GPC5: variants seen among roughly 807,000 people sequenced by gnomAD.
GPC5 encodes the protein glypican 5, also known as glypican-5.
Under a neutral mutation model 53.9 loss-of-function variants are expected in GPC5, and 47 were observed. The observed-to-expected ratio is 0.87, with a 90% CI of 0.69 to 1.11. The LOEUF (loss-of-function observed/expected upper bound fraction) is 1.11. Among genes scored for constraint, GPC5 ranks in the 50% most tolerant of loss-of-function variants. GPC5 has a pLI of 0.00. For synonymous variants in GPC5, 286 were observed against 263.3 expected, an observed-to-expected ratio of 1.09 and a Z score of -0.84; for missense variants, 748 against 713.1, an observed-to-expected ratio of 1.05 and a Z score of -0.56.
chr13:91,612,920 C>A (rs2139320612), intron 2 of GPC5, among the ~76,000 whole-genome samples: 1 of 152,222 alleles, frequency 6.6e-6, no homozygotes, highest in East Asian at 1.9e-4. Context: ...GGGGAACAGA[C>A]AATTACAAGG....
At chr13:92,669,597 A>ACAC (rs1886681269) in intron 7 of GPC5, among the ~76,000 whole-genome samples, 1 of 152,094 alleles carries the variant, frequency 6.6e-6, no homozygotes, top group Non-Finnish European at 1.5e-5. Context: ...CACTTTCCTC[A>ACAC]CACCCTAAAC....
At chr13:92,796,538 A>G (rs942376661) in intron 7 of GPC5, among the ~76,000 whole-genome samples, 4 of 151,898 alleles carry the variant, frequency 2.6e-5, no homozygotes, top group African/African-American at 9.7e-5. Context: ...AATCCTTGGC[A>G]TTTCTCAATG....
chr13:92,340,163 T>C (rs967665302), intron 7 of GPC5, among the ~76,000 whole-genome samples: 15 of 152,118 alleles, frequency 9.9e-5, no homozygotes, highest in African/African-American at 3.6e-4. Flanking sequence ...AATCAGGAAA[T>C]AGTTACATAT....
rs550690591 is a variant in GPC5, at chr13:92,302,191, G to T, written c.1561+157202G>T. ...TCTTGCAAGTGCAATGTTGATTCTGGTTTTTTGCACTTTAATTAATATTAT... is the reference window on the plus strand; with the variant it reads ...TCTTGCAAGTGCAATGTTGATTCTGTTTTTTTGCACTTTAATTAATATTAT... On this transcript the variant is annotated intron_variant, in intron 7 of 7. Coordinates refer to ENST00000377067, the MANE Select transcript of GPC5 (RefSeq NM_004466.6). 2.6e-5 allele frequency among the ~76,000 whole-genome samples: 4 copies of T among 151,956 alleles called. 1 individual carries two copies. The highest frequency in any genetic ancestry group is 4.1e-4 in the South Asian group (2 of 4,820).
At chr13:91,679,242 C>T (rs978290652) in intron 2 of GPC5, among the ~76,000 whole-genome samples, 3 of 151,992 alleles carry the variant, frequency 2.0e-5, no homozygotes, top group Non-Finnish European at 4.4e-5. Context: ...AGTTTTGTTA[C>T]ATAGGTATAC....
At chr13:91,755,810 T>C (rs2037277455) in intron 4 of GPC5, among the ~76,000 whole-genome samples, 1 of 152,100 alleles carries the variant, frequency 6.6e-6, no homozygotes, top group Admixed American at 6.6e-5. Flanking sequence ...GAAAATAACC[T>C]ACTACACTTT....
At chr13:92,246,703 G>T (rs2042653642) in intron 7 of GPC5, among the ~76,000 whole-genome samples, 1 of 152,232 alleles carries the variant, frequency 6.6e-6, no homozygotes. Context: ...ACAGTATAGA[G>T]TTCCATTTTC....
chr13:91,725,768 G>A (rs1345770229), intron 3 of GPC5, among the ~76,000 whole-genome samples: 3 of 152,146 alleles, frequency 2.0e-5, no homozygotes, highest in Non-Finnish European at 2.9e-5. Flanking sequence ...GAGGTCTGAC[G>A]AGGGAGGGAC....
chr13:92,664,989 T>C (rs1886521877), intron 7 of GPC5, among the ~76,000 whole-genome samples: 1 of 152,138 alleles, frequency 6.6e-6, no homozygotes, highest in Non-Finnish European at 1.5e-5. Flanking sequence ...TTAATACAAA[T>C]GTGATCAATA....
chr13:92,387,620 G>T (rs1450256180), intron 7 of GPC5, among the ~76,000 whole-genome samples: 1 of 152,040 alleles, frequency 6.6e-6, no homozygotes. Context: ...AGTTACCTGT[G>T]TGTGGGAATA....
chr13:92,630,596 A>G (rs929257007), intron 7 of GPC5, among the ~76,000 whole-genome samples: 7 of 152,164 alleles, frequency 4.6e-5, no homozygotes, highest in African/African-American at 1.7e-4. Flanking sequence ...AATGTAGATG[A>G]CGGGTTGATG....
chr13:92,697,842 T>C (rs1246586633), intron 7 of GPC5, among the ~76,000 whole-genome samples: 2 of 152,198 alleles, frequency 1.3e-5, no homozygotes, highest in South Asian at 2.1e-4. Flanking sequence ...TTGTCATAAA[T>C]AGCTCTTATT....
At chr13:92,403,261 A>G (rs1314509008) in intron 7 of GPC5, among the ~76,000 whole-genome samples, 1 of 152,210 alleles carries the variant, frequency 6.6e-6, no homozygotes, top group South Asian at 2.1e-4. Context: ...TTTAAAACAT[A>G]TGTAGTTTTT....
intron 7 of GPC5, among the ~76,000 whole-genome samples, chr13:92,166,956 T>TCTCTCTCTCTCA (rs1415930136): frequency 9.4e-5 from 8 of 84,710 alleles, no homozygotes; most frequent in African/African-American, 3.1e-4. Context: ...TCTCTCTCTC[T>TCTCTCTCTCTCA]CACACACACA....
At chr13:92,547,493 T>C (rs1215854595) in intron 7 of GPC5, among the ~76,000 whole-genome samples, 1 of 152,136 alleles carries the variant, frequency 6.6e-6, no homozygotes, top group Non-Finnish European at 1.5e-5. Context: ...CAGTGACTCA[T>C]TGGAAAAGCT....
At chr13:91,797,887 G>A (rs1293556499) in intron 5 of GPC5, among the ~76,000 whole-genome samples, 1 of 152,228 alleles carries the variant, frequency 6.6e-6, no homozygotes, top group Non-Finnish European at 1.5e-5. Context: ...TGACAGCGTG[G>A]TTGACACATA....
intron 5 of GPC5, among the ~76,000 whole-genome samples, chr13:91,889,845 G>A (rs2039365802): frequency 6.6e-6 from 1 of 152,144 alleles, no homozygotes; most frequent in Admixed American, 6.6e-5. Context: ...GCAAATGATT[G>A]CACAATTCAT....
At chr13:91,766,826 C>CAGAAGTTGTTA in intron 5 of GPC5, among the ~76,000 whole-genome samples, 2 of 152,276 alleles carry the variant, frequency 1.3e-5, no homozygotes, top group African/African-American at 4.8e-5. Context: ...CACCACTGCA[C>CAGAAGTTGTTA]TCCAGCCTGG....
At chr13:92,294,254 G>A (rs1370178330) in intron 7 of GPC5, among the ~76,000 whole-genome samples, 3 of 152,094 alleles carry the variant, frequency 2.0e-5, no homozygotes, top group Admixed American at 1.3e-4. Flanking sequence ...GTGGAATACT[G>A]TCAATAGGAG....
Sources: allele counts gnomAD v4.1 joint callset (sites outside exome capture counted in the v4.1 genomes callset), GRCh38; gene constraint gnomAD v4.1.1; transcripts MANE v1.5; gene names NCBI Gene and HGNC (gene_info 2026-07-23, HGNC 2026-07-21).